Variants in PARD3 observed in about 807,000 individuals in gnomAD.
PARD3 encodes par-3 family cell polarity regulator, also known as partitioning defective 3 homolog.
PARD3 carries 75 observed loss-of-function variants against 155.4 expected under a neutral mutation model. The ratio of observed to expected loss-of-function variants is 0.48; its 90% CI spans 0.40 to 0.58. The LOEUF is 0.58. Among genes scored for constraint, PARD3 ranks in the 20% least tolerant of loss-of-function variants. The pLI is 0.00. For missense variants in PARD3, 1,642 were observed against 1,721.7 expected (o/e 0.95, Z 0.82); for synonymous variants, 576 against 610.5 (o/e 0.94, Z 0.83).
At chr10:34,150,192 C>A (rs1948712261) in intron 22 of PARD3, among the ~76,000 whole-genome samples, 1 of 152,108 alleles carries the variant, frequency 6.6e-6, no homozygotes, top group Non-Finnish European at 1.5e-5. Context: ...AACATCTAAT[C>A]CAGTGCTGAC....
At chr10:34,153,505 T>C (rs1192012997) in intron 22 of PARD3, among the ~76,000 whole-genome samples, 1 of 152,196 alleles carries the variant, frequency 6.6e-6, no homozygotes, top group African/African-American at 2.4e-5. Flanking sequence ...ATGTACAGTA[T>C]TACAAGATTA....
intron 1 of PARD3, among the ~76,000 whole-genome samples, chr10:34,755,775 T>C (rs1039689980): frequency 3.9e-5 from 6 of 152,156 alleles, no homozygotes; most frequent in East Asian, 3.9e-4. Flanking sequence ...CATGCTTTTT[T>C]TTGCCATTTT....
chr10:34,256,140 T>C (rs1954641116), intron 22 of PARD3, among the ~76,000 whole-genome samples: 3 of 152,344 alleles, frequency 2.0e-5, no homozygotes, highest in Admixed American at 2.0e-4. Context: ...ATCATATCTT[T>C]CAACATATTC....
chr10:34,567,575 C>T (rs1412021915), intron 2 of PARD3, among the ~76,000 whole-genome samples: 1 of 152,182 alleles, frequency 6.6e-6, no homozygotes, highest in Non-Finnish European at 1.5e-5. Flanking sequence ...GATTTACAAC[C>T]ACTCACGGGT....
At chr10:34,226,975 G>A (rs543107847) in intron 22 of PARD3, among the ~76,000 whole-genome samples, 19 of 152,220 alleles carry the variant, frequency 1.2e-4, no homozygotes, top group African/African-American at 3.6e-4. Context: ...AAGATTTCAC[G>A]AAGAAGACTC....
At chr10:34,357,865 T>C (rs1054923392) in intron 14 of PARD3, among the ~76,000 whole-genome samples, 2 of 152,198 alleles carry the variant, frequency 1.3e-5, no homozygotes, top group African/African-American at 4.8e-5. Context: ...CACCTCTATA[T>C]TGACTACCAA....
intron 2 of PARD3, among the ~76,000 whole-genome samples, chr10:34,585,231 A>G (rs1037202951): frequency 3.9e-5 from 6 of 152,208 alleles, no homozygotes; most frequent in Admixed American, 3.9e-4. Context: ...ATTTCAAAAA[A>G]TCACTTACTC....
intron 2 of PARD3, among the ~76,000 whole-genome samples, chr10:34,557,167 T>C (rs1006181112): frequency 1.3e-5 from 2 of 152,190 alleles, no homozygotes; most frequent in African/African-American, 4.8e-5. Context: ...CAAAGTGGGC[T>C]ACTCCTCCTG....
intron 3 of PARD3, among the ~76,000 whole-genome samples, chr10:34,486,947 A>G (rs1230883698): frequency 6.6e-6 from 1 of 152,018 alleles, no homozygotes; most frequent in Non-Finnish European, 1.5e-5. Flanking sequence ...TCTCAGCTTG[A>G]TTTATTCTCT....
At chr10:34,380,951 A>T (rs1841760522) in intron 9 of PARD3, among the ~76,000 whole-genome samples, 1 of 152,176 alleles carries the variant, frequency 6.6e-6, no homozygotes, top group Non-Finnish European at 1.5e-5. Context: ...AAAGGAGGAA[A>T]GAGGATGTGA....
intron 14 of PARD3, among the ~76,000 whole-genome samples, chr10:34,355,930 A>AC (rs1431722244): frequency 1.7e-5 from 2 of 119,256 alleles, no homozygotes; most frequent in African/African-American, 1.1e-4. Context: ...GTCTCAAAAA[A>AC]AAAAAAAAAA....
intron 3 of PARD3, among the ~76,000 whole-genome samples, chr10:34,492,408 T>C (rs1005653034): frequency 6.6e-6 from 1 of 152,190 alleles, no homozygotes; most frequent in African/African-American, 2.4e-5. Context: ...TTTCCTCATC[T>C]ATAACAAAAA....
intron 2 of PARD3, among the ~76,000 whole-genome samples, chr10:34,575,234 G>A (rs1417950906): frequency 6.6e-6 from 1 of 152,106 alleles, no homozygotes; most frequent in Non-Finnish European, 1.5e-5. Context: ...AATTTTTATC[G>A]TATTATATCT....
At chr10:34,308,421 C>T (rs116509283) in intron 20 of PARD3, among the ~76,000 whole-genome samples, 5,373 of 152,232 alleles carry the variant, frequency 0.035, 128 homozygotes, top group Middle Eastern at 0.071. Flanking sequence ...AGTAGGATTG[C>T]AGATGTGTAC....
intron 1 of PARD3, among the ~76,000 whole-genome samples, chr10:34,746,323 C>A (rs1768716596): frequency 6.6e-6 from 1 of 151,820 alleles, no homozygotes; most frequent in Admixed American, 6.6e-5. Context: ...GCAGCACACA[C>A]CTACAGTCAC....
At chr10:34,511,691 T>C (rs1488119301) in intron 3 of PARD3, among the ~76,000 whole-genome samples, 1 of 152,210 alleles carries the variant, frequency 6.6e-6, no homozygotes, top group Non-Finnish European at 1.5e-5. Context: ...TATTTGGTTA[T>C]ACAGTGATAC....
intron 12 of PARD3, among the ~76,000 whole-genome samples, chr10:34,366,432 G>A (rs994464999): frequency 3.9e-5 from 6 of 152,050 alleles, no homozygotes; most frequent in African/African-American, 1.4e-4. Context: ...TGGGTTTACT[G>A]ACAAATTTAT....
chr10:34,406,159 T>C (rs1461264496), intron 5 of PARD3, among the ~76,000 whole-genome samples: 4 of 152,190 alleles, frequency 2.6e-5, no homozygotes, highest in Non-Finnish European at 4.4e-5. Flanking sequence ...TGATCTATGA[T>C]AACAATGCCT....
At chr10:34,281,778 C>CA (rs1956170652) in intron 21 of PARD3, among the ~76,000 whole-genome samples, 1 of 151,810 alleles carries the variant, frequency 6.6e-6, no homozygotes, top group East Asian at 1.9e-4. Flanking sequence ...TGTACACAGG[C>CA]AAAAAAAGTT....
Sources: allele counts gnomAD v4.1 joint callset (sites outside exome capture counted in the v4.1 genomes callset), GRCh38; gene constraint gnomAD v4.1.1; transcripts MANE v1.5; gene names NCBI Gene and HGNC (gene_info 2026-07-23, HGNC 2026-07-21).